Variants in RGS12 observed in about 807,000 individuals in gnomAD.
RGS12 encodes the protein regulator of G-protein signaling 12.
In RGS12, 66 loss-of-function variants were observed where a neutral mutation model predicts 120.1. That is an observed-to-expected ratio of 0.55 (90% CI 0.45 to 0.67). The LOEUF is 0.67. RGS12 is among the 30% of genes least tolerant of loss of function. The probability of loss-of-function intolerance (pLI) is 0.00; values close to 1 mark genes in which losing one functional copy is unlikely to be tolerated. For missense variants in RGS12, 1,859 were observed against 1,957.7 expected (o/e 0.95, Z 0.95); for synonymous variants, 827 against 804.7 (o/e 1.03, Z -0.47).
Position 3,316,169 on chromosome 4 carries a change from G to T in RGS12, c.-2G>T. On this transcript the variant is annotated 5_prime_UTR_variant, in exon 2 of 18. Coordinates refer to ENST00000336727, the MANE Select transcript of RGS12 (RefSeq NM_001394154.1). ...TGCTCTTGGTCTTGGAAGCTCATCA[G>T]AATGTTTAGAGCTGGGGAGGCCTCC... The T allele has an allele frequency of 2.0e-6, 3 of 1,538,446 alleles. No homozygotes were observed. Among genetic ancestry groups the T allele is most frequent in the Non-Finnish European group, 2.6e-6 (3 of 1,144,236 alleles).
At chr4:3,385,627 TC>T (rs1353789509) in intron 3 of RGS12, 3 of 152,852 alleles carry the variant, frequency 2.0e-5, no homozygotes, top group African/African-American at 7.2e-5. Flanking sequence ...GTTCTCGGCC[TC>T]CTCCTGGTCA....
intron 4 of RGS12, among the ~76,000 whole-genome samples, chr4:3,399,905 C>T (rs1008046348): frequency 6.6e-6 from 1 of 152,222 alleles, no homozygotes; most frequent in African/African-American, 2.4e-5. Context: ...GCTATTGGAG[C>T]GCTTCCTAAA....
At chr4:3,360,452 G>A (rs149732388) in intron 3 of RGS12, among the ~76,000 whole-genome samples, 1 of 150,660 alleles carries the variant, frequency 6.6e-6, no homozygotes, top group Non-Finnish European at 1.5e-5. Context: ...TTCTTAAGTT[G>A]TAAAACTAAA....
At chr4:3,322,483 A>G (rs1457762834) in intron 2 of RGS12, among the ~76,000 whole-genome samples, 1 of 152,206 alleles carries the variant, frequency 6.6e-6, no homozygotes, top group Non-Finnish European at 1.5e-5. Context: ...AAGAGAACCC[A>G]GGATCTCGAA....
intron 2 of RGS12, among the ~76,000 whole-genome samples, chr4:3,328,245 G>A (rs1478635542): frequency 6.6e-6 from 1 of 152,226 alleles, no homozygotes; most frequent in African/African-American, 2.4e-5. Flanking sequence ...GGAAAGGTGA[G>A]GGGTGGGAGG....
chr4:3,294,177 T>A lies in RGS12; in HGVS notation c.-102+1078T>A, dbSNP rs118056237. 7.4e-4 allele frequency among the ~76,000 whole-genome samples: 113 copies of A among 152,384 alleles called. 3 individuals are homozygous for A. The East Asian group carries it at 0.02, about 27-fold the overall frequency. ...GTGTCTTTGTCTGAAGTCCTCAGCG[T>A]GGTCCATGCCGTCCTGTGCAGGGCC... is the stretch of plus-strand genomic sequence containing the variant. On this transcript the variant is annotated intron_variant, in intron 1 of 17. Coordinates refer to ENST00000336727, the MANE Select transcript of RGS12 (RefSeq NM_001394154.1).
intron 3 of RGS12, among the ~76,000 whole-genome samples, chr4:3,351,536 A>G (rs1714357360): frequency 1.3e-5 from 2 of 152,202 alleles, no homozygotes; most frequent in South Asian, 2.1e-4. Flanking sequence ...TTATAAAGCC[A>G]TTAGTTTGAA....
intron 3 of RGS12, among the ~76,000 whole-genome samples, chr4:3,347,350 C>A (rs760273683): frequency 6.6e-6 from 1 of 152,032 alleles, no homozygotes; most frequent in East Asian, 1.9e-4. Context: ...AGGGTGAGGC[C>A]GGAGAATGGC....
intron 1 of RGS12, among the ~76,000 whole-genome samples, chr4:3,315,771 C>T (rs897189820): frequency 6.6e-6 from 1 of 152,204 alleles, no homozygotes; most frequent in Non-Finnish European, 1.5e-5. Flanking sequence ...TAGCAAGGGG[C>T]TCTTTCCATC....
intron 2 of RGS12, among the ~76,000 whole-genome samples, chr4:3,319,720 C>T (rs115254302): frequency 0.011 from 1,683 of 152,364 alleles, 13 homozygotes; most frequent in Admixed American, 0.021. Flanking sequence ...GCTGGGATTA[C>T]AGGCATGAGC....
At chr4:3,337,308 G>C (rs114898231) in intron 2 of RGS12, among the ~76,000 whole-genome samples, 2,772 of 152,300 alleles carry the variant, frequency 0.018, 91 homozygotes, top group African/African-American at 0.059. Flanking sequence ...AAACAGTGTG[G>C]TGGCTCCTCA....
At chr4:3,348,086 G>A (rs758355139) in intron 3 of RGS12, among the ~76,000 whole-genome samples, 49 of 152,170 alleles carry the variant, frequency 3.2e-4, no homozygotes, top group Admixed American at 7.9e-4. Flanking sequence ...AGCTTGACTG[G>A]AAAATACTAA....
rs1470942835 is a variant in RGS12, at chr4:3,414,089, C to T, written c.2038C>T (p.Leu680=). 6.4e-7 allele frequency: 1 copy of T among 1,569,566 alleles called. No homozygotes were observed. ...VSDGELTGAD[L]KDCVSNNSLS... ...TCCCGCAGAGTTGACGGGCGCCGAC[C>T]TGAAGGACTGCGTCAGCAACAACAG... The change falls in exon 5 of 18, where the codon CTG becomes TTG. Residue 680 remains leucine, a synonymous_variant. Coordinates refer to ENST00000336727, the MANE Select transcript of RGS12 (RefSeq NM_001394154.1).
At chr4:3,383,550 T>C (rs1004875568) in intron 3 of RGS12, among the ~76,000 whole-genome samples, 6 of 151,998 alleles carry the variant, frequency 3.9e-5, no homozygotes, top group African/African-American at 1.5e-4. Context: ...GAGGCTGCAA[T>C]GAGCCATCAT....
At chr4:3,309,340 ATCCGGGAATGGCAGGTGTCCG>A (rs1412586480) in intron 1 of RGS12, among the ~76,000 whole-genome samples, 1 of 147,244 alleles carries the variant, frequency 6.8e-6, no homozygotes. Flanking sequence ...AGGAGCTGGG[ATCCGGGAATGGCAGGTGTCCG>A]CTGAGGGGAA....
Position 3,317,337 on chromosome 4 carries a change from G to C in RGS12, c.1167G>C (p.Leu389=). 1.2e-6 allele frequency: 2 copies of C among 1,614,120 alleles called. No homozygotes were observed. Among genetic ancestry groups the C allele is most frequent in the Non-Finnish European group, 8.5e-7 (1 of 1,180,022 alleles). The part of the protein sequence containing the change: ...SLPVLQFISV[L]YRDMGELIEG... ...CCGTCCTGCAGTTCATCTCTGTCCT[G>C]TACCGAGACATGGGTGAGCTGATTG... Residue 389 remains leucine, a synonymous_variant, in exon 2 of 18, where the codon CTG becomes CTC. Transcript: ENST00000336727.
intron 4 of RGS12, among the ~76,000 whole-genome samples, chr4:3,392,080 A>G (rs1719562940): frequency 6.6e-6 from 1 of 152,186 alleles, no homozygotes; most frequent in South Asian, 2.1e-4. Flanking sequence ...TTGGATTGAA[A>G]ATCAGATTGG....
At chr4:3,378,032 G>A (rs1180110946) in intron 3 of RGS12, 1 of 152,134 alleles carries the variant, frequency 6.6e-6, no homozygotes, top group Non-Finnish European at 1.5e-5. Flanking sequence ...TTTTTTGTAA[G>A]TATAATGTGT....
At chr4:3,422,626 T>A in intron 11 of RGS12, 56 bp downstream of exon 11, 1 of 1,549,606 alleles carries the variant, frequency 6.5e-7, no homozygotes, top group Non-Finnish European at 8.7e-7. Flanking sequence ...CCCCGCTCCC[T>A]GGCCCCCAGC....
Sources: allele counts gnomAD v4.1 joint callset (sites outside exome capture counted in the v4.1 genomes callset), GRCh38; gene constraint gnomAD v4.1.1; transcripts MANE v1.5; gene names NCBI Gene and HGNC (gene_info 2026-07-23, HGNC 2026-07-21).